Variants in TENM2 observed in about 807,000 individuals in gnomAD.
The protein encoded by TENM2 is teneurin transmembrane protein 2.
In TENM2, 52 loss-of-function variants were observed where a neutral mutation model predicts 245.2. The observed-to-expected ratio is 0.21, with a 90% confidence interval of 0.17 to 0.27. TENM2 has a LOEUF of 0.27. TENM2 is among the 10% of genes least tolerant of loss of function. The probability of loss-of-function intolerance (pLI) is 1.00; values close to 1 mark genes in which losing one functional copy is unlikely to be tolerated. For synonymous variants in TENM2, 1,363 were observed against 1,438.9 expected, an observed-to-expected ratio of 0.95 and a Z score of 1.19; for missense variants, 3,046 against 3,666.8, an observed-to-expected ratio of 0.83 and a Z score of 4.37.
At chr5:167,304,211 C>T (rs1223303606) in intron 1 of TENM2, among the ~76,000 whole-genome samples, 1 of 152,204 alleles carries the variant, frequency 6.6e-6, no homozygotes, top group Non-Finnish European at 1.5e-5. Flanking sequence ...TCCCCTCATC[C>T]TGAGATGCAC....
At chr5:167,977,160 G>A (rs1252958070) in intron 4 of TENM2, among the ~76,000 whole-genome samples, 1 of 152,072 alleles carries the variant, frequency 6.6e-6, no homozygotes, top group African/African-American at 2.4e-5. Flanking sequence ...ACAGACACTG[G>A]GTCCTACTTG....
intron 5 of TENM2, among the ~76,000 whole-genome samples, chr5:168,005,727 C>T (rs764318199): frequency 6.6e-6 from 1 of 152,138 alleles, no homozygotes; most frequent in Non-Finnish European, 1.5e-5. Flanking sequence ...ATTGCAGAAA[C>T]ATAGAAAAAA....
chr5:167,028,819 G>T, the TENM2 span, among the ~76,000 whole-genome samples: 1 of 152,050 alleles, frequency 6.6e-6, no homozygotes, highest in Admixed American at 6.5e-5. Context: ...AGTAGCACCT[G>T]TCCCAAGCAG....
chr5:168,151,517 C>A (rs762025020), intron 12 of TENM2, among the ~76,000 whole-genome samples: 5 of 152,186 alleles, frequency 3.3e-5, no homozygotes, highest in Admixed American at 6.5e-5. Context: ...ATCATGGATT[C>A]TCTCATTTAA....
intron 2 of TENM2, among the ~76,000 whole-genome samples, chr5:167,474,897 G>A (rs868624361): frequency 8.5e-5 from 13 of 152,302 alleles, no homozygotes; most frequent in Middle Eastern, 6.8e-3. Context: ...AATCTGGACT[G>A]TTTTCAAATT....
the TENM2 span, among the ~76,000 whole-genome samples, chr5:167,149,883 A>G: frequency 6.6e-6 from 1 of 152,104 alleles, no homozygotes; most frequent in African/African-American, 2.4e-5. Context: ...TATCTTGAGG[A>G]CAAGGATTAT....
chr5:167,887,384 G>T (rs1774372400), intron 3 of TENM2, among the ~76,000 whole-genome samples: 1 of 152,244 alleles, frequency 6.6e-6, no homozygotes, highest in East Asian at 1.9e-4. Flanking sequence ...GAAGGACAAT[G>T]TTAGAGTGGG....
intron 2 of TENM2, among the ~76,000 whole-genome samples, chr5:167,826,002 G>A (rs565786090): frequency 1.8e-4 from 28 of 151,768 alleles, no homozygotes; most frequent in African/African-American, 3.9e-4. Flanking sequence ...ACTCCTTCCC[G>A]CAGCCCAACA....
At chr5:167,239,038 A>C in the TENM2 span, among the ~76,000 whole-genome samples, 65 of 152,228 alleles carry the variant, frequency 4.3e-4, no homozygotes, top group Non-Finnish European at 8.5e-4. Flanking sequence ...GTCTGGGTCT[A>C]TAGGTCTTTG....
intron 13 of TENM2, among the ~76,000 whole-genome samples, chr5:168,168,871 CCATT>C (rs1249398038): frequency 6.6e-6 from 1 of 152,106 alleles, no homozygotes; most frequent in Non-Finnish European, 1.5e-5. Context: ...ATCCATCCAT[CCATT>C]CATTAGCTTA....
At chr5:167,678,501 G>C (rs561209785) in intron 2 of TENM2, among the ~76,000 whole-genome samples, 5 of 151,972 alleles carry the variant, frequency 3.3e-5, no homozygotes, top group African/African-American at 1.2e-4. Context: ...TCCTCCCACC[G>C]GAGTCTGTGT....
the TENM2 span, among the ~76,000 whole-genome samples, chr5:167,015,442 C>T: frequency 2.0e-5 from 3 of 152,130 alleles, no homozygotes; most frequent in Non-Finnish European, 4.4e-5. Flanking sequence ...TTAAACAAGG[C>T]ACTTCTCCAC....
chr5:168,147,962 G>A (rs182982877), intron 12 of TENM2, among the ~76,000 whole-genome samples: 3 of 152,330 alleles, frequency 2.0e-5, no homozygotes, highest in East Asian at 3.9e-4. Context: ...TTGTTTGGAA[G>A]GAATAGCAGA....
At chr5:166,979,194 C>CAGCAGCAGCAGCAGCAG in the TENM2 span, among the ~76,000 whole-genome samples, 726 of 142,126 alleles carry the variant, frequency 5.1e-3, 4 homozygotes, top group Middle Eastern at 0.026. Flanking sequence ...AGCACCACCA[C>CAGCAGCAGCAGCAGCAG]CAGCAGCAGC....
the TENM2 span, among the ~76,000 whole-genome samples, chr5:167,195,257 G>T: frequency 6.6e-6 from 1 of 151,950 alleles, no homozygotes; most frequent in Non-Finnish European, 1.5e-5. Flanking sequence ...TCTGGGAGTG[G>T]TGACATATTA....
At chr5:167,196,242 G>A in the TENM2 span, among the ~76,000 whole-genome samples, 5,228 of 151,858 alleles carry the variant, frequency 0.034, 304 homozygotes, top group African/African-American at 0.12. Flanking sequence ...ACAGTAAAAC[G>A]TATAAACATA....
chr5:167,250,393 C>T, the TENM2 span, among the ~76,000 whole-genome samples: 1 of 152,000 alleles, frequency 6.6e-6, no homozygotes, highest in Admixed American at 6.6e-5. Context: ...AAAAATATAA[C>T]AATATTGAGT....
chr5:168,103,530 AT>A (rs1433893453), intron 9 of TENM2, among the ~76,000 whole-genome samples: 5 of 151,796 alleles, frequency 3.3e-5, no homozygotes, highest in Non-Finnish European at 7.4e-5. Flanking sequence ...TTAGAAGAGC[AT>A]TAGTCAGGTA....
At chr5:167,316,452 T>C (rs1360441716) in intron 1 of TENM2, among the ~76,000 whole-genome samples, 1 of 152,218 alleles carries the variant, frequency 6.6e-6, no homozygotes, top group Non-Finnish European at 1.5e-5. Context: ...AAACCTTTCT[T>C]GTAATCATAT....
Sources: gnomAD v4.1 joint callset for allele counts (sites outside exome capture counted in the v4.1 genomes callset) on GRCh38, gnomAD v4.1.1 for gene constraint, MANE v1.5 for transcripts, NCBI Gene and HGNC (gene_info 2026-07-23, HGNC 2026-07-21) for gene names.